The following UGT8 variants were observed in gnomAD, a reference collection of about 807,000 sequenced individuals.
UGT8 encodes 2-hydroxyacylsphingosine 1-beta-galactosyltransferase.
A neutral mutation model predicts 40.5 loss-of-function variants in UGT8; 12 were observed. The ratio of observed to expected loss-of-function variants is 0.30; its 90% CI spans 0.19 to 0.48. The LOEUF (loss-of-function observed/expected upper bound fraction) is 0.48, where lower values mean the gene tolerates loss of function less well. Among genes scored for constraint, UGT8 ranks in the 20% least tolerant of loss-of-function variants. UGT8 has a pLI of 0.99. For missense variants in UGT8, 513 were observed against 648.7 expected, an observed-to-expected ratio of 0.79 and a Z score of 2.27; for synonymous variants, 224 against 240.4, an observed-to-expected ratio of 0.93 and a Z score of 0.63.
intron 4 of UGT8, among the ~76,000 whole-genome samples, chr4:114,667,309 A>G (rs1734950051): frequency 1.3e-5 from 2 of 152,264 alleles, no homozygotes; most frequent in South Asian, 4.1e-4. Context: ...CATATATCCT[A>G]AGTACAATGT....
At chr4:114,607,145 A>G (rs914852165) in intron 1 of UGT8, among the ~76,000 whole-genome samples, 3 of 152,212 alleles carry the variant, frequency 2.0e-5, no homozygotes, top group African/African-American at 7.2e-5. Flanking sequence ...CCCCTGAAGC[A>G]TAGCCCTATA....
rs1735685298 is a variant in UGT8, at chr4:114,676,821, C to T, written c.*533C>T. 6.7e-6 allele frequency: 1 copy of T among 148,682 alleles called. No homozygotes were observed. The highest frequency in any genetic ancestry group is 2.5e-5 in the African/African-American group (1 of 40,386). The allele number at this position is 148,682 out of a possible 1,614,324, so 9.2% of individuals were successfully genotyped here. ...AATGTGTGTGAACTCAGAACACTAC[C>T]ATGAAAGAACACTTCCCCCCAAAAC... On this transcript the variant is annotated 3_prime_UTR_variant, in exon 6 of 6. Coordinates refer to ENST00000310836, the MANE Select transcript of UGT8 (RefSeq NM_001128174.3).
rs115518491 is a variant in UGT8 at position 114,648,506 on chromosome 4, G to A, written c.823-15489G>A. ...ATTATGGCACAAAAATGAGACTTCAGGTATATATAATTTATTTCAATTTTG... is the reference window on the plus strand; with the variant it reads ...ATTATGGCACAAAAATGAGACTTCAAGTATATATAATTTATTTCAATTTTG... On this transcript the variant is annotated intron_variant, in intron 2 of 5. Transcript: ENST00000310836. Among the ~76,000 whole-genome samples, 780 of 151,568 alleles carry A rather than the reference G, an allele frequency of 5.1e-3. 4 individuals are homozygous for A. Among genetic ancestry groups the A allele is most frequent in the Non-Finnish European group, 7.7e-3 (524 of 67,906 alleles).
rs755812681 is a variant in UGT8, at chr4:114,676,182, G to T, written c.1520G>T (p.Trp507Leu). The T allele has an allele frequency of 1.4e-5, 22 of 1,613,880 alleles. No individual in the cohort carries two copies. The South Asian group carries it at 2.4e-4, about 18-fold the overall frequency. ...KFIYRKIKSL[W>L]SRNKHSTVNG... ...ATCTACAGAAAAATCAAAAGTCTGT[G>T]GTCTAGAAATAAGCATAGCACAGTT... is the stretch of plus-strand genomic sequence containing the variant. Residue 507 changes from tryptophan (W) to leucine (L), a missense_variant, in exon 6 of 6, where the codon TGG (tryptophan) becomes TTG (leucine). Physicochemically the swap from Trp to Leu is moderately conservative, Grantham distance 61. Transcript: ENST00000310836.
intron 2 of UGT8, among the ~76,000 whole-genome samples, chr4:114,659,142 C>A (rs946341689): frequency 6.6e-6 from 1 of 152,090 alleles, no homozygotes; most frequent in East Asian, 1.9e-4. Flanking sequence ...ATCCGGATCA[C>A]GATCATTAAA....
At position 114,620,763 on chromosome 4, in the gene UGT8, G is replaced by T. The variant is rs539635088; in HGVS notation, c.-2-2116G>T. On this transcript the variant is annotated intron_variant, in intron 1 of 5. Coordinates refer to ENST00000310836, the MANE Select transcript of UGT8 (RefSeq NM_001128174.3). ...TTAGAGTTCAATCTTGTTATTGGAAGAATCTATTAGTTGCCTGCTATTGAT... is the reference window on the plus strand; with the variant it reads ...TTAGAGTTCAATCTTGTTATTGGAATAATCTATTAGTTGCCTGCTATTGAT... 4.2e-4 allele frequency among the ~76,000 whole-genome samples: 64 copies of T among 152,266 alleles called. 1 individual carries two copies. Among genetic ancestry groups the T allele is most frequent in the South Asian group, 8.3e-4 (4 of 4,826 alleles).
At chr4:114,619,965 A>G (rs890988548) in intron 1 of UGT8, among the ~76,000 whole-genome samples, 1 of 151,382 alleles carries the variant, frequency 6.6e-6, no homozygotes, top group Non-Finnish European at 1.5e-5. Flanking sequence ...AATATTGGCT[A>G]TTATAATAAC....
intron 2 of UGT8, among the ~76,000 whole-genome samples, chr4:114,648,239 A>T (rs1483228230): frequency 6.6e-6 from 1 of 152,186 alleles, no homozygotes; most frequent in East Asian, 1.9e-4. Context: ...TTAATACTCA[A>T]AAGCATATGA....
chr4:114,644,859 C>A (rs1038938092), intron 2 of UGT8, among the ~76,000 whole-genome samples: 1 of 152,066 alleles, frequency 6.6e-6, no homozygotes, highest in African/African-American at 2.4e-5. Context: ...GGCCCACTTG[C>A]CTCTTAAGTT....
Position 114,622,956 on chromosome 4 carries a change from G to A in UGT8, c.76G>A (p.Val26Met), listed in dbSNP as rs145205528. The A allele has an allele frequency of 7.0e-5, 113 of 1,613,946 alleles. No homozygotes were observed. The highest frequency in any genetic ancestry group is 2.9e-4 in the African/African-American group (22 of 74,996). Residue 26 changes from valine to methionine, a missense_variant, in exon 2 of 6, where the codon GTG (valine) becomes ATG (methionine). Physicochemically the swap from Val to Met is conservative, Grantham distance 21. Transcript: ENST00000310836. ...AGCGAAGGCTGCCAAAATCATCATC[G>A]TGCCGCCAATTATGTTTGAAAGCCA... ...GIAKAAKIII[V>M]PPIMFESHMY...
chr4:114,626,865 A>G (rs1021540527), intron 2 of UGT8, among the ~76,000 whole-genome samples: 2 of 152,232 alleles, frequency 1.3e-5, no homozygotes, highest in Non-Finnish European at 2.9e-5. Flanking sequence ...GTCAGGGCTT[A>G]ATACTCAAGT....
At chr4:114,599,589 C>G (rs998026729) in intron 1 of UGT8, among the ~76,000 whole-genome samples, 1 of 152,236 alleles carries the variant, frequency 6.6e-6, no homozygotes, top group African/African-American at 2.4e-5. Flanking sequence ...CGACAATGGA[C>G]AGTGTACAGT....
At chr4:114,618,805 G>GTAAAAAA in intron 1 of UGT8, among the ~76,000 whole-genome samples, 1 of 152,040 alleles carries the variant, frequency 6.6e-6, no homozygotes, top group East Asian at 1.9e-4. Context: ...AAGGTTTAAG[G>GTAAAAAA]TAAAAAATAT....
chr4:114,625,600 C>T (rs1732162756), intron 2 of UGT8, among the ~76,000 whole-genome samples: 2 of 149,308 alleles, frequency 1.3e-5, no homozygotes, highest in South Asian at 4.2e-4. Flanking sequence ...TCTTGAGTTG[C>T]AGCAACTTGA....
intron 1 of UGT8, among the ~76,000 whole-genome samples, chr4:114,600,990 C>T (rs1730410048): frequency 2.0e-5 from 3 of 151,998 alleles, no homozygotes; most frequent in South Asian, 4.2e-4. Flanking sequence ...CATAGTGCCC[C>T]GATATTTAGT....
intron 2 of UGT8, chr4:114,656,667 G>A (rs1056817471): frequency 1.1e-5 from 4 of 370,402 alleles, no homozygotes; most frequent in Non-Finnish European, 2.2e-5. Flanking sequence ...AGGTCTCACA[G>A]GGGAGAACAA....
intron 2 of UGT8, among the ~76,000 whole-genome samples, chr4:114,656,515 A>G (rs1734195948): frequency 6.6e-6 from 1 of 152,154 alleles, no homozygotes; most frequent in African/African-American, 2.4e-5. Flanking sequence ...CCTTTCAAAG[A>G]CTTAGATTAC....
At chr4:114,658,574 G>A (rs181050519) in intron 2 of UGT8, among the ~76,000 whole-genome samples, 1 of 152,266 alleles carries the variant, frequency 6.6e-6, no homozygotes, top group South Asian at 2.1e-4. Context: ...CAGAATCCAG[G>A]ATAGCAAGGA....
At chr4:114,622,774 A>G (rs1197835919) in intron 1 of UGT8, 105 bp from the exon 2 acceptor site, 3 of 1,038,900 alleles carry the variant, frequency 2.9e-6, no homozygotes, top group African/African-American at 3.3e-5. Flanking sequence ...TTTTTTAGAC[A>G]AAGTATTAGA....
Sources: allele counts gnomAD v4.1 joint callset (sites outside exome capture counted in the v4.1 genomes callset), GRCh38; gene constraint gnomAD v4.1.1; transcripts MANE v1.5; gene names NCBI Gene and HGNC (gene_info 2026-07-23, HGNC 2026-07-21).